The following PDE1C variants were observed in gnomAD, a reference collection of about 807,000 sequenced individuals.
The protein encoded by PDE1C is phosphodiesterase 1C.
Under a neutral mutation model 93.1 loss-of-function variants are expected in PDE1C, and 62 were observed. That is an observed-to-expected ratio of 0.67 (90% CI 0.54 to 0.82). PDE1C has a LOEUF of 0.82. PDE1C is among the 40% of genes least tolerant of loss of function. The pLI is 0.00. For missense variants in PDE1C, 742 were observed against 884.6 expected (o/e 0.84, Z 2.04); for synonymous variants, 325 against 310.1 (o/e 1.05, Z -0.50).
the PDE1C span, chr7:31,642,729 A>G: frequency 6.2e-7 from 1 of 1,614,024 alleles, no homozygotes; most frequent in South Asian, 1.1e-5. Flanking sequence ...ATGGAGGTAG[A>G]AAGCCAAGAG....
At chr7:31,909,986 T>C (rs1253795604) in intron 2 of PDE1C, among the ~76,000 whole-genome samples, 1 of 152,184 alleles carries the variant, frequency 6.6e-6, no homozygotes, top group Non-Finnish European at 1.5e-5. Flanking sequence ...CACCCCCAAG[T>C]TGTGACAACT....
chr7:32,239,283 C>T (rs905731763), intron 1 of PDE1C, among the ~76,000 whole-genome samples: 5 of 152,082 alleles, frequency 3.3e-5, no homozygotes, highest in Non-Finnish European at 5.9e-5. Context: ...ATACTAGCTA[C>T]TCAGGAGGCT....
chr7:32,121,947 C>G (rs771123835), intron 3 of PDE1C, among the ~76,000 whole-genome samples: 13 of 152,130 alleles, frequency 8.5e-5, no homozygotes, highest in Admixed American at 2.0e-4. Flanking sequence ...ACAGTCAAGA[C>G]CCATTGGTGT....
chr7:31,619,213 G>T, the PDE1C span, among the ~76,000 whole-genome samples: 1 of 152,012 alleles, frequency 6.6e-6, no homozygotes, highest in Non-Finnish European at 1.5e-5. Flanking sequence ...CTATTTTCAG[G>T]TGATCACATT....
chr7:32,358,517 T>C (rs2128084626), intron 1 of PDE1C, among the ~76,000 whole-genome samples: 1 of 152,286 alleles, frequency 6.6e-6, no homozygotes, highest in South Asian at 2.1e-4. Flanking sequence ...TGCTGAGCTC[T>C]GTAAAGAGAC....
intron 2 of PDE1C, among the ~76,000 whole-genome samples, chr7:31,967,550 A>T (rs1810209442): frequency 6.6e-6 from 1 of 152,242 alleles, no homozygotes; most frequent in South Asian, 2.1e-4. Context: ...AACTGGTACC[A>T]TTCCTTCTAA....
At chr7:31,735,208 G>A in the PDE1C span, among the ~76,000 whole-genome samples, 1 of 152,148 alleles carries the variant, frequency 6.6e-6, no homozygotes, top group East Asian at 1.9e-4. Context: ...AGACCAGCCT[G>A]ACCAACATGG....
At chr7:32,126,405 T>G (rs969526511) in intron 3 of PDE1C, among the ~76,000 whole-genome samples, 1 of 152,110 alleles carries the variant, frequency 6.6e-6, no homozygotes, top group Non-Finnish European at 1.5e-5. Flanking sequence ...CTCCAGGCAT[T>G]TAAACATTAA....
chr7:32,212,042 A>AAAAG (rs1239073021), intron 1 of PDE1C, among the ~76,000 whole-genome samples: 7 of 150,580 alleles, frequency 4.6e-5, no homozygotes, highest in African/African-American at 1.7e-4. Context: ...AAAAAAAAAA[A>AAAAG]AAAGAAAGAA....
At chr7:32,267,244 T>C (rs1476266714) in intron 1 of PDE1C, among the ~76,000 whole-genome samples, 1 of 152,004 alleles carries the variant, frequency 6.6e-6, no homozygotes, top group African/African-American at 2.4e-5. Flanking sequence ...AGGCTGAGGT[T>C]AGGGGATTTT....
chr7:31,924,582 A>G (rs1044781616), intron 2 of PDE1C, among the ~76,000 whole-genome samples: 30 of 104,962 alleles, frequency 2.9e-4, no homozygotes, highest in Non-Finnish European at 5.2e-4. Flanking sequence ...AGGCACCTCG[A>G]AAGAGCCTTT....
chr7:32,365,484 T>C (rs1784212331), intron 1 of PDE1C, among the ~76,000 whole-genome samples: 1 of 152,178 alleles, frequency 6.6e-6, no homozygotes, highest in Admixed American at 6.5e-5. Context: ...GGATTGTCCC[T>C]GGCAGACACA....
the PDE1C span, chr7:31,707,696 C>T: frequency 5.9e-6 from 1 of 168,228 alleles, no homozygotes; most frequent in South Asian, 1.6e-4. Flanking sequence ...AGTGGGGTTC[C>T]CTGTTGCCAG....
chr7:32,344,845 T>C (rs1489189233), intron 1 of PDE1C, among the ~76,000 whole-genome samples: 2 of 152,196 alleles, frequency 1.3e-5, no homozygotes, highest in East Asian at 1.9e-4. Context: ...CCTAGAACAG[T>C]GCCTGGTACA....
intron 5 of PDE1C, among the ~76,000 whole-genome samples, chr7:31,874,732 A>G (rs1388666227): frequency 1.3e-5 from 2 of 152,384 alleles, no homozygotes; most frequent in East Asian, 1.9e-4. Flanking sequence ...TAAGTCTTCA[A>G]TAACTGCCCC....
At chr7:31,647,163 C>A in the PDE1C span, among the ~76,000 whole-genome samples, 1 of 152,190 alleles carries the variant, frequency 6.6e-6, no homozygotes, top group Non-Finnish European at 1.5e-5. Context: ...ACATTTAAAG[C>A]ACAAAGAGAA....
intron 1 of PDE1C, among the ~76,000 whole-genome samples, chr7:32,407,849 ACTC>A (rs1397739738): frequency 6.6e-6 from 1 of 151,868 alleles, no homozygotes; most frequent in African/African-American, 2.4e-5. Flanking sequence ...CACCAAGCCA[ACTC>A]CTCTTCTGTT....
intron 2 of PDE1C, among the ~76,000 whole-genome samples, chr7:31,996,225 T>G (rs1055725203): frequency 1.3e-5 from 2 of 152,130 alleles, no homozygotes; most frequent in African/African-American, 4.8e-5. Context: ...GATTACTCTA[T>G]GGACTTTGCA....
chr7:32,203,669 G>A (rs61025798), intron 2 of PDE1C, among the ~76,000 whole-genome samples: 5,617 of 152,094 alleles, frequency 0.037, 347 homozygotes, highest in African/African-American at 0.13. Flanking sequence ...GAGGGGGTAC[G>A]TTCCAACAAC....
Sources: gnomAD v4.1 joint callset for allele counts (sites outside exome capture counted in the v4.1 genomes callset) on GRCh38, gnomAD v4.1.1 for gene constraint, MANE v1.5 for transcripts, NCBI Gene and HGNC (gene_info 2026-07-23, HGNC 2026-07-21) for gene names.